NME7: variants seen among roughly 807,000 people sequenced by gnomAD.
NME7 encodes NME/NM23 family member 7.
Under a neutral mutation model 49.1 loss-of-function variants are expected in NME7, and 41 were observed. The observed-to-expected ratio is 0.83, with a 90% confidence interval of 0.65 to 1.08. NME7 has a LOEUF of 1.08. NME7 is among the 50% of genes least tolerant of loss of function. NME7 has a pLI of 0.00. For missense variants in NME7, 423 were observed against 463.4 expected, an observed-to-expected ratio of 0.91 and a Z score of 0.80; for synonymous variants, 139 against 150.6, an observed-to-expected ratio of 0.92 and a Z score of 0.56.
chr1:169,155,995 T>TGG (rs1231265658), intron 11 of NME7, among the ~76,000 whole-genome samples: 1 of 151,960 alleles, frequency 6.6e-6, no homozygotes, highest in Non-Finnish European at 1.5e-5. Flanking sequence ...AACTAGACAC[T>TGG]GGGGGGTACA....
At chr1:169,331,357 G>A (rs1020629331) in intron 1 of NME7, among the ~76,000 whole-genome samples, 1 of 152,070 alleles carries the variant, frequency 6.6e-6, no homozygotes, top group Non-Finnish European at 1.5e-5. Context: ...CAGACCCACA[G>A]CTAGTATCAT....
At chr1:169,325,179 G>A (rs1330611890) in intron 1 of NME7, among the ~76,000 whole-genome samples, 1 of 152,116 alleles carries the variant, frequency 6.6e-6, no homozygotes, top group Non-Finnish European at 1.5e-5. Flanking sequence ...ACAGAGTGGT[G>A]GAGAGATGCA....
At chr1:169,253,717 A>C (rs143720864) in intron 7 of NME7, among the ~76,000 whole-genome samples, 37,108 of 151,912 alleles carry the variant, frequency 0.24, 5,491 homozygotes, top group Non-Finnish European at 0.34. Context: ...GATAGCTCTT[A>C]TTATTTTGAA....
At chr1:169,334,630 T>C (rs1465663783) in intron 1 of NME7, among the ~76,000 whole-genome samples, 1 of 152,028 alleles carries the variant, frequency 6.6e-6, no homozygotes, top group East Asian at 1.9e-4. Flanking sequence ...ACCTACACAA[T>C]ACCATTCAGG....
intron 1 of NME7, among the ~76,000 whole-genome samples, chr1:169,355,367 T>TACAC (rs36138444): frequency 0.1 from 7,110 of 71,152 alleles, 702 homozygotes; most frequent in Admixed American, 0.16. Context: ...ATATATATTA[T>TACAC]ACACACACAC....
chr1:169,133,119 T>C (rs1364260883), intron 11 of NME7, among the ~76,000 whole-genome samples: 1 of 152,230 alleles, frequency 6.6e-6, no homozygotes, highest in Non-Finnish European at 1.5e-5. Context: ...ACTTCAGTTT[T>C]TAAAAAATGA....
intron 10 of NME7, among the ~76,000 whole-genome samples, chr1:169,206,297 G>T (rs562692448): frequency 6.6e-6 from 1 of 152,068 alleles, no homozygotes; most frequent in Non-Finnish European, 1.5e-5. Context: ...GAAAATATTT[G>T]ATGAATTAAC....
At chr1:169,170,239 T>A (rs1297184814) in intron 10 of NME7, among the ~76,000 whole-genome samples, 1 of 152,138 alleles carries the variant, frequency 6.6e-6, no homozygotes, top group Non-Finnish European at 1.5e-5. Flanking sequence ...TTTTAAGGCA[T>A]AACCATGGAT....
intron 10 of NME7, among the ~76,000 whole-genome samples, chr1:169,202,448 T>A (rs1483709569): frequency 6.6e-6 from 1 of 152,192 alleles, no homozygotes; most frequent in Non-Finnish European, 1.5e-5. Flanking sequence ...TGCCTCCCTA[T>A]AAAACCATGA....
intron 11 of NME7, among the ~76,000 whole-genome samples, chr1:169,160,032 C>T (rs1448701223): frequency 6.6e-6 from 1 of 152,172 alleles, no homozygotes; most frequent in Non-Finnish European, 1.5e-5. Context: ...CCACTCCACA[C>T]TGGCTACCTC....
intron 10 of NME7, among the ~76,000 whole-genome samples, chr1:169,181,830 T>C (rs1444810477): frequency 6.6e-6 from 1 of 152,168 alleles, no homozygotes. Flanking sequence ...CATTCCATTA[T>C]TCCTGAAGCC....
intron 10 of NME7, among the ~76,000 whole-genome samples, chr1:169,210,440 T>A (rs765004980): frequency 1.3e-5 from 2 of 152,204 alleles, no homozygotes; most frequent in African/African-American, 2.4e-5. Flanking sequence ...AACATTATCG[T>A]GGCAAAATAA....
chr1:169,281,686 C>T lies in NME7; in HGVS notation c.754+5617G>A, dbSNP rs151094581. Among the ~76,000 whole-genome samples, 250 of 152,156 alleles carry T rather than the reference C, an allele frequency of 1.6e-3. 1 individual carries two copies. Among genetic ancestry groups the T allele is most frequent in the Non-Finnish European group, 3.1e-3 (212 of 67,992 alleles). ...AAGGGGTGCTGAATTTTATTGAAGG[C>T]CTTTTCTGCATCTATTGAGGTATGT... is the stretch of plus-strand genomic sequence containing the variant. On this transcript the variant is annotated intron_variant, in intron 7 of 11. Coordinates refer to ENST00000367811, the MANE Select transcript of NME7 (RefSeq NM_013330.5).
At chr1:169,313,861 T>A (rs1353822932) in intron 3 of NME7, among the ~76,000 whole-genome samples, 1 of 152,066 alleles carries the variant, frequency 6.6e-6, no homozygotes, top group African/African-American at 2.4e-5. Context: ...TAGAAAACTG[T>A]AAGCTACAAA....
At chr1:169,139,064 C>T (rs1054850501) in intron 11 of NME7, among the ~76,000 whole-genome samples, 1 of 152,140 alleles carries the variant, frequency 6.6e-6, no homozygotes, top group Non-Finnish European at 1.5e-5. Context: ...CTGTTCCCTT[C>T]TCCTCCCTAC....
intron 10 of NME7, among the ~76,000 whole-genome samples, chr1:169,210,279 C>G (rs188369334): frequency 3.9e-5 from 6 of 152,272 alleles, no homozygotes; most frequent in Admixed American, 3.9e-4. Flanking sequence ...ATATTCTCCA[C>G]TACACTAGAA....
At chr1:169,226,250 A>T (rs1647334482) in intron 10 of NME7, among the ~76,000 whole-genome samples, 1 of 152,220 alleles carries the variant, frequency 6.6e-6, no homozygotes, top group Non-Finnish European at 1.5e-5. Flanking sequence ...AGGTGAGATT[A>T]CTATTTAATT....
intron 4 of NME7, among the ~76,000 whole-genome samples, chr1:169,305,822 C>T (rs1651151665): frequency 6.6e-6 from 1 of 152,130 alleles, no homozygotes. Flanking sequence ...GCTTGCTCTA[C>T]CATTATAAAG....
At chr1:169,357,141 T>C (rs564970538) in intron 1 of NME7, among the ~76,000 whole-genome samples, 2 of 150,084 alleles carry the variant, frequency 1.3e-5, no homozygotes, top group East Asian at 3.9e-4. Context: ...GGAACTAGTA[T>C]TATTATTATT....
Sources: allele counts gnomAD v4.1 joint callset (sites outside exome capture counted in the v4.1 genomes callset), GRCh38; gene constraint gnomAD v4.1.1; transcripts MANE v1.5; gene names NCBI Gene and HGNC (gene_info 2026-07-23, HGNC 2026-07-21).